Variants in MTA3 observed in about 807,000 individuals in gnomAD.
MTA3 encodes metastasis associated 1 family member 3, also known as metastasis-associated protein MTA3.
Under a neutral mutation model 83.5 loss-of-function variants are expected in MTA3, and 34 were observed. That is an observed-to-expected ratio of 0.41 (90% confidence interval 0.31 to 0.54). MTA3 has a LOEUF of 0.54. Among genes scored for constraint, MTA3 ranks in the 20% least tolerant of loss-of-function variants. MTA3 has a pLI of 0.33. For missense variants in MTA3, 761 were observed against 726.4 expected (o/e 1.05, Z -0.55); for synonymous variants, 303 against 252.7 (o/e 1.20, Z -1.89).
chr2:42,573,633 C>A (rs1678723656), intron 2 of MTA3, among the ~76,000 whole-genome samples: 1 of 152,168 alleles, frequency 6.6e-6, no homozygotes, highest in Non-Finnish European at 1.5e-5. Context: ...GCCTCAGCCT[C>A]CCGAATAGCT....
At chr2:42,751,643 G>C (rs1669878233) in intron 16 of MTA3, among the ~76,000 whole-genome samples, 1 of 152,242 alleles carries the variant, frequency 6.6e-6, no homozygotes, top group African/African-American at 2.4e-5. Flanking sequence ...CTGGGCACCA[G>C]AACCTGAGAT....
intron 2 of MTA3, among the ~76,000 whole-genome samples, chr2:42,551,943 G>C (rs1382165533): frequency 6.6e-6 from 1 of 151,958 alleles, no homozygotes; most frequent in Non-Finnish European, 1.5e-5. Context: ...GGCCAAGATG[G>C]TCTCGATCTC....
chr2:42,658,277 A>G (rs955839384), intron 7 of MTA3, among the ~76,000 whole-genome samples: 2 of 152,054 alleles, frequency 1.3e-5, no homozygotes, highest in Non-Finnish European at 2.9e-5. Context: ...GTTTGCTGTC[A>G]TCTAACACAA....
intron 2 of MTA3, among the ~76,000 whole-genome samples, chr2:42,555,443 G>A (rs1431140032): frequency 2.5e-5 from 2 of 81,026 alleles, no homozygotes; most frequent in Admixed American, 2.2e-4. Context: ...CAACAAGAGC[G>A]AAACTCCATC....
chr2:42,723,543 ATAAT>A (rs1394342467), intron 16 of MTA3, among the ~76,000 whole-genome samples: 2 of 152,226 alleles, frequency 1.3e-5, no homozygotes, highest in Non-Finnish European at 2.9e-5. Context: ...TACAGAAATA[ATAAT>A]TTGCTTGAAA....
rs1305565520 is a variant in MTA3 at position 42,524,443 on chromosome 2, A to T, written c.-141+29189A>T. Among the ~76,000 whole-genome samples, 7 of 142,802 alleles carry T rather than the reference A, an allele frequency of 4.9e-5. No individual in the cohort carries two copies. The Admixed American group carries it at 5.0e-4, about 10-fold the overall frequency. The allele number at this position is 142,802 out of a possible 152,430, so 93.7% of individuals were successfully genotyped here. A position where few individuals can be genotyped will look rare whatever the true frequency, so the allele number is the denominator to read the frequency against. On this transcript the variant is annotated intron_variant, in intron 2 of 17. Transcript: ENST00000405592. Reference sequence around the variant, plus strand: ...AGCCTCTCGAGTAGCTGGGACTACAATTGCCCGCCACCACGCCTGGCTAGT... The same window carrying T: ...AGCCTCTCGAGTAGCTGGGACTACATTTGCCCGCCACCACGCCTGGCTAGT...
intron 6 of MTA3, among the ~76,000 whole-genome samples, chr2:42,654,873 C>T (rs1485096810): frequency 6.6e-6 from 1 of 152,180 alleles, no homozygotes; most frequent in Admixed American, 6.5e-5. Flanking sequence ...GCCCCAGCTT[C>T]CCAAAGTGCT....
At chr2:42,662,703 A>G (rs1326949019) in intron 8 of MTA3, among the ~76,000 whole-genome samples, 2 of 147,402 alleles carry the variant, frequency 1.4e-5, no homozygotes, top group African/African-American at 2.5e-5. Flanking sequence ...CACCGCCCCT[A>G]TGTTTTCCCT....
chr2:42,736,990 G>A (rs1668657372), intron 16 of MTA3, among the ~76,000 whole-genome samples: 2 of 152,214 alleles, frequency 1.3e-5, no homozygotes, highest in Admixed American at 6.5e-5. Context: ...GGCTGAGCCA[G>A]TATCAAAGTT....
intron 2 of MTA3, among the ~76,000 whole-genome samples, chr2:42,516,394 A>C (rs1379028744): frequency 6.6e-6 from 1 of 152,208 alleles, no homozygotes; most frequent in East Asian, 1.9e-4. Context: ...CAGAAAATGG[A>C]TACATCTTTA....
chr2:42,685,251 C>T (rs1407325195), intron 9 of MTA3, among the ~76,000 whole-genome samples: 1 of 152,118 alleles, frequency 6.6e-6, no homozygotes, highest in African/African-American at 2.4e-5. Context: ...TCTTTGTGGT[C>T]TAACAAAATT....
At chr2:42,627,570 T>A (rs1243923297) in intron 4 of MTA3, among the ~76,000 whole-genome samples, 1 of 151,996 alleles carries the variant, frequency 6.6e-6, no homozygotes, top group Non-Finnish European at 1.5e-5. Context: ...TTTTTTTCTT[T>A]TTTTTAAATT....
chr2:42,553,603 C>G (rs541860209), intron 2 of MTA3, among the ~76,000 whole-genome samples: 9 of 150,358 alleles, frequency 6.0e-5, no homozygotes, highest in South Asian at 2.1e-4. Context: ...AGTATGGTGG[C>G]GCATGCCTGT....
intron 14 of MTA3, among the ~76,000 whole-genome samples, chr2:42,718,212 G>T (rs769215243): frequency 4.6e-5 from 7 of 151,136 alleles, no homozygotes; most frequent in African/African-American, 7.3e-5. Flanking sequence ...TGTCCTTGAA[G>T]AGTGCTGTCT....
At chr2:42,694,466 G>C (rs1323408978) in intron 9 of MTA3, among the ~76,000 whole-genome samples, 2 of 152,050 alleles carry the variant, frequency 1.3e-5, no homozygotes, top group Non-Finnish European at 2.9e-5. Context: ...CCTCTGGCTA[G>C]GTCTGGTACA....
rs1573743213 is a variant in MTA3 at position 42,717,877 on chromosome 2, C to G, written c.1526-1111C>G. On this transcript the variant is annotated intron_variant, in intron 14 of 16. Transcript: ENST00000405094. ...GAAGTTTGTTGCCTTTAGCAGCTGTCATTTATCTTCCATGTCATTTCAATC... is the reference window on the plus strand; with the variant it reads ...GAAGTTTGTTGCCTTTAGCAGCTGTGATTTATCTTCCATGTCATTTCAATC... Among the ~76,000 whole-genome samples the G allele has an allele frequency of 2.0e-5, 3 of 152,274 alleles. 1 individual carries two copies. The highest frequency in any genetic ancestry group is 4.8e-5 in the African/African-American group (2 of 41,550).
chr2:42,497,031 C>T (rs572821406), intron 2 of MTA3, among the ~76,000 whole-genome samples: 2 of 151,956 alleles, frequency 1.3e-5, no homozygotes, highest in South Asian at 4.2e-4. Flanking sequence ...CATGGTGAAA[C>T]CCGTTTCTAC....
chr2:42,651,956 C>T (rs917118066), intron 6 of MTA3, among the ~76,000 whole-genome samples: 2 of 151,944 alleles, frequency 1.3e-5, no homozygotes, highest in East Asian at 3.9e-4. Context: ...ATTAGCTGGT[C>T]ATGGTGGTGG....
intron 14 of MTA3, among the ~76,000 whole-genome samples, chr2:42,710,831 C>T (rs1205118257): frequency 1.3e-5 from 2 of 150,096 alleles, no homozygotes; most frequent in Non-Finnish European, 3.0e-5. Context: ...GTAATCCTAG[C>T]ACTTTGGGAG....
Sources: allele counts gnomAD v4.1 joint callset (sites outside exome capture counted in the v4.1 genomes callset), GRCh38; gene constraint gnomAD v4.1.1; transcripts MANE v1.5; gene names NCBI Gene and HGNC (gene_info 2026-07-23, HGNC 2026-07-21).